The following WWOX variants were observed in gnomAD, a reference collection of about 807,000 sequenced individuals.
WWOX encodes the protein WW domain-containing oxidoreductase.
Under a neutral mutation model 46.2 loss-of-function variants are expected in WWOX, and 69 were observed. That is an observed-to-expected ratio of 1.49 (90% CI 1.23 to 1.82). The LOEUF (loss-of-function observed/expected upper bound fraction) is 1.82, where lower values mean the gene tolerates loss of function less well. WWOX is among the 40% of genes most tolerant of loss of function. The pLI, the probability that WWOX is intolerant of heterozygous loss-of-function variation, is 0.00. For synonymous variants in WWOX, 359 were observed against 202.6 expected (o/e 1.77, Z -6.56); for missense variants, 919 against 542.6 (o/e 1.69, Z -6.89).
chr16:78,499,227 T>TG (rs879366856), intron 8 of WWOX, among the ~76,000 whole-genome samples: 20 of 142,906 alleles, frequency 1.4e-4, no homozygotes, highest in Admixed American at 5.0e-4. Flanking sequence ...GGCTTTGCTT[T>TG]GGGGGGGTGA....
intron 5 of WWOX, among the ~76,000 whole-genome samples, chr16:78,184,394 T>A (rs1057407553): frequency 6.6e-5 from 10 of 152,172 alleles, no homozygotes; most frequent in Admixed American, 5.2e-4. Context: ...ATGCTCACAT[T>A]CACCTTTGCC....
At chr16:78,591,945 A>G (rs1048104905) in intron 8 of WWOX, among the ~76,000 whole-genome samples, 13 of 152,198 alleles carry the variant, frequency 8.5e-5, no homozygotes, top group African/African-American at 3.1e-4. Context: ...AGCGACCATA[A>G]CCACCAGTGT....
chr16:78,938,100 C>G (rs1004166277), intron 8 of WWOX, among the ~76,000 whole-genome samples: 5 of 152,182 alleles, frequency 3.3e-5, no homozygotes, highest in African/African-American at 4.8e-5. Context: ...CACTCAGACC[C>G]TGTGATTTTA....
chr16:78,404,112 C>A (rs1398052277), intron 6 of WWOX, among the ~76,000 whole-genome samples: 2 of 152,026 alleles, frequency 1.3e-5, no homozygotes, highest in African/African-American at 4.8e-5. Flanking sequence ...ACAGATGGTC[C>A]TTAAATTAAG....
chr16:78,542,211 C>T (rs149568541), intron 8 of WWOX, among the ~76,000 whole-genome samples: 3 of 152,004 alleles, frequency 2.0e-5, no homozygotes, highest in East Asian at 1.9e-4. Flanking sequence ...TCCAGCCCTC[C>T]GTAAACACTG....
chr16:78,954,363 G>T, intron 8 of WWOX, among the ~76,000 whole-genome samples: 1 of 152,124 alleles, frequency 6.6e-6, no homozygotes, highest in East Asian at 1.9e-4. Context: ...TAATTGGATG[G>T]ATGCATGGAT....
At chr16:79,076,755 C>T (rs1442837863) in intron 8 of WWOX, among the ~76,000 whole-genome samples, 2 of 152,228 alleles carry the variant, frequency 1.3e-5, no homozygotes, top group African/African-American at 2.4e-5. Context: ...TCTTCTTGCT[C>T]AGCTTCCTGA....
chr16:78,690,865 C>G (rs1440558851), intron 8 of WWOX, among the ~76,000 whole-genome samples: 1 of 152,168 alleles, frequency 6.6e-6, no homozygotes, highest in South Asian at 2.1e-4. Context: ...TTGATGTTGT[C>G]TCTTAGCACC....
At chr16:78,338,097 A>G (rs9933225) in intron 5 of WWOX, among the ~76,000 whole-genome samples, 27,406 of 120,632 alleles carry the variant, frequency 0.23, 8,826 homozygotes, top group African/African-American at 0.38. Context: ...GAGAGATGGT[A>G]ACTAATTTAG....
intron 8 of WWOX, among the ~76,000 whole-genome samples, chr16:78,454,615 C>G (rs959822564): frequency 4.6e-5 from 7 of 152,184 alleles, no homozygotes; most frequent in African/African-American, 1.7e-4. Context: ...AAGCGATTCT[C>G]CTGCCTCAGC....
chr16:78,505,019 T>A (rs779984360), intron 8 of WWOX, among the ~76,000 whole-genome samples: 1 of 152,176 alleles, frequency 6.6e-6, no homozygotes, highest in East Asian at 1.9e-4. Context: ...AGGAGATAAA[T>A]GGTGTATTTC....
At chr16:79,034,990 T>C (rs75213771) in intron 8 of WWOX, among the ~76,000 whole-genome samples, 1,739 of 152,358 alleles carry the variant, frequency 0.011, 40 homozygotes, top group African/African-American at 0.04. Context: ...ATCATTGTCC[T>C]CTAATTCATT....
chr16:78,500,073 A>G (rs143483762), intron 8 of WWOX, among the ~76,000 whole-genome samples: 1 of 152,346 alleles, frequency 6.6e-6, no homozygotes, highest in Admixed American at 6.5e-5. Flanking sequence ...ACAGCAAAGC[A>G]GACTAGCATG....
chr16:78,870,689 C>T (rs936014150), intron 8 of WWOX, among the ~76,000 whole-genome samples: 3 of 152,158 alleles, frequency 2.0e-5, no homozygotes, highest in Non-Finnish European at 4.4e-5. Context: ...GCAACCTCTG[C>T]CTCCTGGGTT....
At chr16:78,861,810 A>T (rs544633561) in intron 8 of WWOX, among the ~76,000 whole-genome samples, 1 of 152,212 alleles carries the variant, frequency 6.6e-6, no homozygotes, top group African/African-American at 2.4e-5. Flanking sequence ...AAATTGTTGA[A>T]ATAGGTAAAG....
At chr16:79,027,288 A>AAG (rs1421103405) in intron 8 of WWOX, among the ~76,000 whole-genome samples, 2 of 151,018 alleles carry the variant, frequency 1.3e-5, no homozygotes, top group South Asian at 2.1e-4. Flanking sequence ...TCAAAAAAAA[A>AAG]AAAAAAGGTA....
chr16:78,616,691 G>T lies in WWOX; in HGVS notation c.1056+183939G>T, dbSNP rs571696575. On this transcript the variant is annotated intron_variant, in intron 8 of 8. Transcript: ENST00000566780. ...GGGTGAGGCAGAATTGCTTGAACCT[G>T]GGAGGCAGTGGTTGCAGTGAGCTGA... Among the ~76,000 whole-genome samples, 3 of 152,072 alleles carry T rather than the reference G, an allele frequency of 2.0e-5. No homozygotes were observed. The South Asian group carries it at 6.3e-4, about 32-fold the overall frequency.
intron 8 of WWOX, among the ~76,000 whole-genome samples, chr16:79,191,986 G>T (rs557019862): frequency 6.6e-6 from 1 of 152,190 alleles, no homozygotes; most frequent in African/African-American, 2.4e-5. Flanking sequence ...TTAAAATACC[G>T]CAATCACTTG....
At chr16:78,543,298 C>T (rs1316643702) in intron 8 of WWOX, among the ~76,000 whole-genome samples, 1 of 152,158 alleles carries the variant, frequency 6.6e-6, no homozygotes, top group Non-Finnish European at 1.5e-5. Flanking sequence ...CTAGGCCAGT[C>T]ACGTGGCCCT....
Sources: gnomAD v4.1 joint callset for allele counts (sites outside exome capture counted in the v4.1 genomes callset) on GRCh38, gnomAD v4.1.1 for gene constraint, MANE v1.5 for transcripts, NCBI Gene and HGNC (gene_info 2026-07-23, HGNC 2026-07-21) for gene names.